IFNAR1: variants seen among roughly 807,000 people sequenced by gnomAD.
The protein encoded by IFNAR1 is interferon alpha/beta receptor 1.
Under a neutral mutation model 62.1 loss-of-function variants are expected in IFNAR1, and 47 were observed. The ratio of observed to expected loss-of-function variants is 0.76; its 90% confidence interval spans 0.60 to 0.97. IFNAR1 has a LOEUF of 0.97. Among genes scored for constraint, IFNAR1 ranks in the 50% least tolerant of loss-of-function variants. The pLI is 0.00. For missense variants in IFNAR1, 638 were observed against 654.5 expected, an observed-to-expected ratio of 0.97 and a Z score of 0.27; for synonymous variants, 219 against 226.9, an observed-to-expected ratio of 0.97 and a Z score of 0.31.
At chr21:33,331,759 C>T (rs1726893133) in intron 1 of IFNAR1, among the ~76,000 whole-genome samples, 2 of 152,162 alleles carry the variant, frequency 1.3e-5, no homozygotes, top group African/African-American at 4.8e-5. Flanking sequence ...TGTGTTGCCA[C>T]TGAGCCCTAT....
rs573939285 is a variant in IFNAR1 at position 33,355,540 on chromosome 21, C to T, written c.1665C>T (p.Asp555=). 1 of 1,557,076 alleles carries T rather than the reference C, an allele frequency of 6.4e-7. No homozygotes were observed. Among genetic ancestry groups the T allele is most frequent in the Admixed American group, 1.9e-5 (1 of 53,320 alleles). Residue 555 remains aspartate (D), a synonymous_variant, in exon 11 of 11, where the codon GAC becomes GAT. Transcript: ENST00000270139. ...AAACAAGTGAAGAACTACAGCAGGA[C>T]TTTGTATGACCAGAAATGAACTGTG... ...ESKTSEELQQ[D]FV is the part of the protein sequence containing the mutation.
In IFNAR1 at chr21:33,357,216, G is replaced by A. The variant is rs2083456726; in HGVS notation, c.*1667G>A. ...AAGAAAAGAGACAAAGTTAGAACGTGCTGGGGAGCGGCCATTTCTAAGGCC... is the reference window on the plus strand; with the variant it reads ...AAGAAAAGAGACAAAGTTAGAACGTACTGGGGAGCGGCCATTTCTAAGGCC... On this transcript the variant is annotated 3_prime_UTR_variant, in exon 11 of 11. Transcript: ENST00000270139. 2 of 152,274 alleles carry A rather than the reference G, an allele frequency of 1.3e-5. No individual in the cohort carries two copies. Among genetic ancestry groups the A allele is most frequent in the African/African-American group, 2.4e-5 (1 of 41,460 alleles). 9.4% of individuals were successfully genotyped at this position (152,274 alleles called of 1,614,324 possible).
chr21:33,351,051 G>A (rs764803041), intron 8 of IFNAR1, among the ~76,000 whole-genome samples: 1 of 152,146 alleles, frequency 6.6e-6, no homozygotes, highest in Non-Finnish European at 1.5e-5. Flanking sequence ...AATTGTAGTT[G>A]CCATCTTAAC....
At chr21:33,334,886 G>A in intron 1 of IFNAR1, 1 of 1,369,854 alleles carries the variant, frequency 7.3e-7, no homozygotes, top group Non-Finnish European at 1.0e-6. Context: ...GAAAGCTGCT[G>A]AGATACACTA....
At chr21:33,324,906 A>T, upstream of IFNAR1, 1 of 576,604 alleles carries the variant, frequency 1.7e-6, no homozygotes, top group Non-Finnish European at 3.0e-6. Context: ...TGTGTGTCAG[A>T]AGAGGCGGCG....
chr21:33,328,726 T>C lies in IFNAR1; in HGVS notation c.76+3595T>C, dbSNP rs117454605. Among the ~76,000 whole-genome samples, 547 of 152,306 alleles carry C rather than the reference T, an allele frequency of 3.6e-3. 14 individuals are homozygous for C. The East Asian group carries it at 0.072, about 20-fold the overall frequency. On this transcript the variant is annotated intron_variant, in intron 1 of 10. Transcript: ENST00000270139. The stretch of plus-strand genomic sequence containing the variant: ...ATTTACTTACATATTTGTACAGATA[T>C]CTATATTTGGATTTATGTCAGACTT...
At chr21:33,329,734 G>C (rs536347680) in intron 1 of IFNAR1, among the ~76,000 whole-genome samples, 1 of 152,324 alleles carries the variant, frequency 6.6e-6, no homozygotes, top group South Asian at 2.1e-4. Context: ...TGATATTTAA[G>C]GAGTTCCTGT....
chr21:33,335,739 G>T, intron 2 of IFNAR1, 92 bp downstream of exon 2: 13 of 1,102,234 alleles, frequency 1.2e-5, no homozygotes, highest in South Asian at 6.1e-5. Flanking sequence ...GAAAGTGTTT[G>T]GTTTTTCTAT....
intron 9 of IFNAR1, among the ~76,000 whole-genome samples, chr21:33,353,362 T>C (rs1368304166): frequency 6.6e-6 from 1 of 152,124 alleles, no homozygotes; most frequent in Non-Finnish European, 1.5e-5. Flanking sequence ...AGTTGTATGG[T>C]GTAAAAGTGC....
chr21:33,325,087 T>C lies in IFNAR1; in HGVS notation c.32T>C (p.Leu11Pro), dbSNP rs767812473. Residue 11 changes from leucine to proline, a missense_variant, in exon 1 of 11, where the codon CTA becomes CCA. Physicochemically the swap from Leu to Pro is moderately conservative, Grantham distance 98. Coordinates refer to ENST00000270139, the MANE Select transcript of IFNAR1 (RefSeq NM_000629.3). MMVVLLGATT[L>P]VLVAVAPWVL... is the part of the protein sequence containing the mutation. ...GTCGTCCTCCTGGGCGCGACGACCCTAGTGCTCGTCGCCGTGGCGCCATGG... is the reference window on the plus strand; with the variant it reads ...GTCGTCCTCCTGGGCGCGACGACCCCAGTGCTCGTCGCCGTGGCGCCATGG... The C allele has an allele frequency of 3.7e-6, 6 of 1,610,768 alleles. No individual in the cohort carries two copies. Among genetic ancestry groups the C allele is most frequent in the South Asian group, 3.3e-5 (3 of 90,672 alleles).
chr21:33,352,248 T>C (rs1337476858), intron 8 of IFNAR1, among the ~76,000 whole-genome samples: 1 of 152,180 alleles, frequency 6.6e-6, no homozygotes, highest in African/African-American at 2.4e-5. Flanking sequence ...CTCTTAGGAA[T>C]AGATCATATG....
At position 33,343,407 on chromosome 21, in the gene IFNAR1, C is replaced by T. The variant is rs184248588; in HGVS notation, c.516C>T (p.Asn172=). Reference sequence around the variant, plus strand: ...CATATAGCTTAGTTATCTGGAAAAACTCTTCAGGTGTAGAAGTAAGCATTA... The same window carrying T: ...CATATAGCTTAGTTATCTGGAAAAATTCTTCAGGTGTAGAAGTAAGCATTA... ...SFTYSLVIWK[N]SSGVEERIEN... The change falls in exon 4 of 11, where the codon AAC becomes AAT. Residue 172 remains asparagine (N), a synonymous_variant. Coordinates refer to ENST00000270139, the MANE Select transcript of IFNAR1 (RefSeq NM_000629.3). 4 of 1,612,202 alleles carry T rather than the reference C, an allele frequency of 2.5e-6. No homozygotes were observed. The highest frequency in any genetic ancestry group is 2.5e-6 in the Non-Finnish European group (3 of 1,178,658).
At chr21:33,332,652 T>A (rs1203065292) in intron 1 of IFNAR1, among the ~76,000 whole-genome samples, 1 of 151,808 alleles carries the variant, frequency 6.6e-6, no homozygotes, top group Non-Finnish European at 1.5e-5. Context: ...ATACAAAAAA[T>A]TCAACAAAAA....
At chr21:33,324,547 GCGCCGGGCCGC>G, upstream of IFNAR1, 2 of 156,728 alleles carry the variant, frequency 1.3e-5, no homozygotes, top group South Asian at 1.6e-4. Context: ...AGGACGAAGA[GCGCCGGGCCGC>G]GACCAGGAGC....
At chr21:33,335,138 CTCTA>C (rs1038612015) in intron 1 of IFNAR1, 4 of 647,258 alleles carry the variant, frequency 6.2e-6, no homozygotes, top group East Asian at 2.8e-5. Flanking sequence ...CAAGAAGCAT[CTCTA>C]TCTATCTATG....
At chr21:33,326,647 T>G (rs2083129609) in intron 1 of IFNAR1, among the ~76,000 whole-genome samples, 1 of 152,184 alleles carries the variant, frequency 6.6e-6, no homozygotes, top group African/African-American at 2.4e-5. Flanking sequence ...TGGCTGAGTC[T>G]TTTTATCCTT....
chr21:33,327,634 A>T (rs746456297), intron 1 of IFNAR1, among the ~76,000 whole-genome samples: 3 of 152,208 alleles, frequency 2.0e-5, no homozygotes, highest in Non-Finnish European at 4.4e-5. Flanking sequence ...CCTAATTATC[A>T]GTATCTTTCA....
chr21:33,331,013 C>G (rs763148108), intron 1 of IFNAR1, among the ~76,000 whole-genome samples: 5 of 152,310 alleles, frequency 3.3e-5, no homozygotes, highest in African/African-American at 1.2e-4. Context: ...CACCTTGGAA[C>G]TGGAACTACT....
Position 33,357,280 on chromosome 21 carries a change from T to A in IFNAR1, c.*1731T>A, listed in dbSNP as rs547984612. The A allele has an allele frequency of 4.5e-4, 69 of 152,302 alleles. No homozygotes were observed. Among genetic ancestry groups the A allele is most frequent in the African/African-American group, 1.6e-3 (67 of 41,568 alleles). The allele number at this position is 152,302 out of a possible 1,614,324, so 9.4% of individuals were successfully genotyped here. A position where few individuals can be genotyped will look rare whatever the true frequency, so the allele number is the denominator to read the frequency against. On this transcript the variant is annotated 3_prime_UTR_variant, in exon 11 of 11. Transcript: ENST00000270139. ...TAGTCATTTCTGCTGAAAAAACAGA[T>A]GATCCTGGTGGAAGAAAAGGTTGAA...
Sources: gnomAD v4.1 joint callset for allele counts (sites outside exome capture counted in the v4.1 genomes callset) on GRCh38, gnomAD v4.1.1 for gene constraint, MANE v1.5 for transcripts, NCBI Gene and HGNC (gene_info 2026-07-23, HGNC 2026-07-21) for gene names.